LEPROT: variants seen among roughly 807,000 people sequenced by gnomAD.
The protein encoded by LEPROT is leptin receptor overlapping transcript.
Under a neutral mutation model 15.4 loss-of-function variants are expected in LEPROT, and 3 were observed. The ratio of observed to expected loss-of-function variants is 0.19; its 90% CI spans 0.09 to 0.50. The LOEUF (loss-of-function observed/expected upper bound fraction) is 0.50, where lower values mean the gene tolerates loss of function less well. LEPROT is among the 20% of genes least tolerant of loss of function. The pLI, the probability that LEPROT is intolerant of heterozygous loss-of-function variation, is 0.97. For missense variants in LEPROT, 137 were observed against 162.2 expected (o/e 0.84, Z 0.84); for synonymous variants, 59 against 57.5 (o/e 1.03, Z -0.12).
chr1:65,423,308 TG>T (rs1646289628), intron 1 of LEPROT, among the ~76,000 whole-genome samples: 1 of 151,668 alleles, frequency 6.6e-6, no homozygotes, highest in African/African-American at 2.4e-5. Context: ...AAAAGAGAGA[TG>T]GGGTTGGATT....
At chr1:65,425,960 GAT>G (rs1646354352) in intron 2 of LEPROT, among the ~76,000 whole-genome samples, 1 of 152,166 alleles carries the variant, frequency 6.6e-6, no homozygotes, top group South Asian at 2.1e-4. Context: ...GGGAACTAGG[GAT>G]TAAGACATAA....
At chr1:65,421,450 C>T (rs1445916451) in intron 1 of LEPROT, 4 of 1,536,060 alleles carry the variant, frequency 2.6e-6, no homozygotes, top group African/African-American at 2.7e-5. Context: ...GCAAGGCTTC[C>T]TGTATTTTGG....
Position 65,434,258 on chromosome 1 carries a change from T to C in LEPROT, c.*2339T>C. The C allele has an allele frequency of 1.0e-6, 1 of 981,518 alleles. No individual in the cohort carries two copies. Among genetic ancestry groups the C allele is most frequent in the Non-Finnish European group, 1.2e-6 (1 of 826,370 alleles). The allele number at this position is 981,518 out of a possible 1,614,324, so 60.8% of individuals were successfully genotyped here. Reference sequence around the variant, plus strand: ...TAGGAAATATTGCTATATCTGAATATATAATACAAAAGTTTGATCATGGTG... The same window carrying C: ...TAGGAAATATTGCTATATCTGAATACATAATACAAAAGTTTGATCATGGTG... On this transcript the variant is annotated 3_prime_UTR_variant, in exon 4 of 4. Transcript: ENST00000371065.
chr1:65,431,638 T>TA (rs1646485669), intron 3 of LEPROT, among the ~76,000 whole-genome samples, 165 bp from the exon 4 acceptor site: 1 of 152,242 alleles, frequency 6.6e-6, no homozygotes, highest in Non-Finnish European at 1.5e-5. Flanking sequence ...CAGAAGTAAT[T>TA]AGACTCATTA....
At chr1:65,428,903 A>C (rs911446666) in intron 2 of LEPROT, among the ~76,000 whole-genome samples, 54 of 152,242 alleles carry the variant, frequency 3.5e-4, no homozygotes, top group African/African-American at 1.2e-3. Flanking sequence ...GCATTACACT[A>C]TTAATTGTGA....
intron 1 of LEPROT, among the ~76,000 whole-genome samples, chr1:65,421,686 A>T (rs1318851519): frequency 6.6e-6 from 1 of 152,186 alleles, no homozygotes; most frequent in African/African-American, 2.4e-5. Context: ...GCTGACTTTT[A>T]TACTTAATAT....
intron 1 of LEPROT, chr1:65,421,361 T>C (rs545658110): frequency 6.5e-7 from 1 of 1,536,058 alleles, no homozygotes; most frequent in Non-Finnish European, 8.7e-7. Context: ...TATGTGTTTT[T>C]TGCATGGGGC....
At position 65,432,071 on chromosome 1, in the gene LEPROT, G is replaced by C. The variant is rs143832926; in HGVS notation, c.*152G>C. On this transcript the variant is annotated 3_prime_UTR_variant, in exon 4 of 4. Coordinates refer to ENST00000371065, the MANE Select transcript of LEPROT (RefSeq NM_017526.5). ...CACTTTAAGAAAGACTTCATAAGTA[G>C]GAGATGAGTTTTATTCTCAGCAAAT... The C allele has an allele frequency of 1.1e-5, 15 of 1,349,642 alleles. No individual in the cohort carries two copies. In the South Asian group the frequency reaches 1.1e-4, roughly 10 times the overall value. The allele number at this position is 1,349,642 out of a possible 1,614,324, so 83.6% of individuals were successfully genotyped here. A position where few individuals can be genotyped will look rare whatever the true frequency, so the allele number is the denominator to read the frequency against.
Position 65,431,854 on chromosome 1 carries a change from C to G in LEPROT, c.331C>G (p.Leu111Val). The G allele has an allele frequency of 6.2e-7, 1 of 1,614,118 alleles. No homozygotes were observed. Among genetic ancestry groups the G allele is most frequent in the Middle Eastern group, 1.6e-4 (1 of 6,062 alleles). ...GTTGGCAGGCAATGCAGTCATTTTC[C>G]TTACAATTCAAGGGTTTTTCCTTAT... ...LVLAGNAVIFLTIQGFFLIFG... is the reference protein window; with the variant it reads ...LVLAGNAVIFVTIQGFFLIFG... The change falls in exon 4 of 4, where the codon CTT (leucine) becomes GTT (valine). Residue 111 changes from leucine (L) to valine (V), a missense_variant. Leu to Val is a conservative substitution (Grantham distance 32, BLOSUM62 1). Transcript: ENST00000371065.
At chr1:65,427,876 A>G (rs1431593939) in intron 2 of LEPROT, 2 of 249,972 alleles carry the variant, frequency 8.0e-6, no homozygotes, top group Non-Finnish European at 1.7e-5. Context: ...CCTGGCCTCA[A>G]GTCATCCTCC....
Position 65,433,622 on chromosome 1 carries a change from A to G in LEPROT, c.*1703A>G, listed in dbSNP as rs1449950572. Reference sequence around the variant, plus strand: ...AACTAAAGGGTTAATGTGCAACGTTATTTTTTGGCCTTGTTCATGATTTTA... The same window carrying G: ...AACTAAAGGGTTAATGTGCAACGTTGTTTTTTGGCCTTGTTCATGATTTTA... On this transcript the variant is annotated 3_prime_UTR_variant, in exon 4 of 4. Transcript: ENST00000371065. 1.0e-6 allele frequency: 1 copy of G among 985,194 alleles called. No individual in the cohort carries two copies. The allele number at this position is 985,194 out of a possible 1,614,324, so 61.0% of individuals were successfully genotyped here.
At chr1:65,423,505 G>T (rs1211825066) in intron 1 of LEPROT, among the ~76,000 whole-genome samples, 2 of 152,180 alleles carry the variant, frequency 1.3e-5, no homozygotes, top group Admixed American at 6.5e-5. Flanking sequence ...ACTGCCGATG[G>T]TCAGGCACAG....
At chr1:65,429,083 A>G (rs1020393270) in intron 2 of LEPROT, among the ~76,000 whole-genome samples, 3 of 152,226 alleles carry the variant, frequency 2.0e-5, no homozygotes, top group African/African-American at 4.8e-5. Flanking sequence ...AGACTAATCT[A>G]TCAGATGGGA....
chr1:65,434,114 G>A lies in LEPROT; in HGVS notation c.*2195G>A, dbSNP rs1197859204. 1.1e-5 allele frequency: 11 copies of A among 983,612 alleles called. No individual in the cohort carries two copies. The highest frequency in any genetic ancestry group is 1.3e-5 in the Non-Finnish European group (11 of 828,484). The allele number at this position is 983,612 out of a possible 1,614,324, so 60.9% of individuals were successfully genotyped here. ...GCATTACCTCTTGATTGTATCTTTA[G>A]ATTGATATAAAGTACTTGCATATAG... On this transcript the variant is annotated 3_prime_UTR_variant, in exon 4 of 4. Coordinates refer to ENST00000371065, the MANE Select transcript of LEPROT (RefSeq NM_017526.5).
In LEPROT at chr1:65,434,174, A is replaced by T; in HGVS notation, c.*2255A>T. ...AGTGATAGATTATTAGATTTGCTCT[A>T]TGTCTGAAAAGAGAGCTATTCTGCA... is the stretch of plus-strand genomic sequence containing the variant. On this transcript the variant is annotated 3_prime_UTR_variant, in exon 4 of 4. Transcript: ENST00000371065. 1 of 983,734 alleles carries T rather than the reference A, an allele frequency of 1.0e-6. No individual in the cohort carries two copies. Among genetic ancestry groups the T allele is most frequent in the South Asian group, 4.7e-5 (1 of 21,250 alleles). 60.9% of individuals were successfully genotyped at this position (983,734 alleles called of 1,614,324 possible).
At position 65,432,707 on chromosome 1, in the gene LEPROT, TAGG is replaced by T; in HGVS notation, c.*793_*795del. 1 of 880,410 alleles carries T rather than the reference TAGG, an allele frequency of 1.1e-6. No individual in the cohort carries two copies. Among genetic ancestry groups the T allele is most frequent in the Non-Finnish European group, 1.4e-6 (1 of 734,332 alleles). The allele number at this position is 880,410 out of a possible 1,614,324, so 54.5% of individuals were successfully genotyped here. A position where few individuals can be genotyped will look rare whatever the true frequency, so the allele number is the denominator to read the frequency against. ...CAGTCAAAGGGTACAAAGCCTCAGT[TAGG>T]AGGAATAAGTGTGATTTTTTTTTAA... On this transcript the variant is annotated 3_prime_UTR_variant, in exon 4 of 4. Transcript: ENST00000371065.
intron 2 of LEPROT, among the ~76,000 whole-genome samples, chr1:65,429,434 G>A (rs1274534111): frequency 2.0e-5 from 3 of 152,206 alleles, no homozygotes; most frequent in Non-Finnish European, 4.4e-5. Context: ...TTGTAGGCTA[G>A]GGCAAGGAAT....
At chr1:65,421,377 G>T in intron 1 of LEPROT, 1 of 1,536,036 alleles carries the variant, frequency 6.5e-7, no homozygotes, top group Non-Finnish European at 8.7e-7. Context: ...GGGGCAGTTG[G>T]TAAAAACACC....
intron 1 of LEPROT, among the ~76,000 whole-genome samples, chr1:65,424,277 CT>C (rs1246039288): frequency 6.6e-6 from 1 of 152,204 alleles, no homozygotes; most frequent in African/African-American, 2.4e-5. Context: ...TGAAAACAAT[CT>C]TCAAATACTT....
Sources: allele counts gnomAD v4.1 joint callset (sites outside exome capture counted in the v4.1 genomes callset), GRCh38; gene constraint gnomAD v4.1.1; transcripts MANE v1.5; gene names NCBI Gene and HGNC (gene_info 2026-07-23, HGNC 2026-07-21).